The following CDH7 variants were observed in gnomAD, a reference collection of about 807,000 sequenced individuals.
The protein encoded by CDH7 is cadherin 7, also known as cadherin-7.
Under a neutral mutation model 71.8 loss-of-function variants are expected in CDH7, and 25 were observed. The observed-to-expected ratio is 0.35, with a 90% confidence interval of 0.25 to 0.49. The LOEUF (loss-of-function observed/expected upper bound fraction) is 0.49, where lower values mean the gene tolerates loss of function less well. CDH7 is among the 20% of genes least tolerant of loss of function. The pLI, the probability that CDH7 is intolerant of heterozygous loss-of-function variation, is 0.99. For synonymous variants in CDH7, 381 were observed against 363.8 expected, an observed-to-expected ratio of 1.05 and a Z score of -0.54; for missense variants, 862 against 974.6, an observed-to-expected ratio of 0.88 and a Z score of 1.54.
At chr18:65,756,198 TC>T (rs1916023905) in intron 1 of CDH7, among the ~76,000 whole-genome samples, 1 of 152,138 alleles carries the variant, frequency 6.6e-6, no homozygotes, top group African/African-American at 2.4e-5. Flanking sequence ...AATGACAGTT[TC>T]CCCCCAATAG....
intron 2 of CDH7, among the ~76,000 whole-genome samples, chr18:65,784,651 C>T (rs1910447396): frequency 6.6e-6 from 1 of 152,158 alleles, no homozygotes; most frequent in African/African-American, 2.4e-5. Context: ...TTGTTAATTT[C>T]ATTCCACAGT....
chr18:65,814,490 T>C lies in CDH7; in HGVS notation c.511T>C (p.Ser171Pro). ...GTTTTGGGATTGGCATCTAGGGACC[T>C]CAGTGGTACAAGTGACAGCGACGGA... ...GVPEMSPVGT[S>P]VVQVTATDAD... Residue 171 changes from serine (S) to proline (P), a missense_variant, in exon 4 of 12, where the codon TCA becomes CCA. Coordinates refer to ENST00000397968, the MANE Select transcript of CDH7 (RefSeq NM_004361.5). The C allele has an allele frequency of 6.2e-7, 1 of 1,614,008 alleles. No individual in the cohort carries two copies. The highest frequency in any genetic ancestry group is 8.5e-7 in the Non-Finnish European group (1 of 1,179,922).
chr18:65,751,445 C>T (rs1310524965), intron 1 of CDH7, among the ~76,000 whole-genome samples: 2 of 152,184 alleles, frequency 1.3e-5, no homozygotes, highest in African/African-American at 4.8e-5. Context: ...CCGGCACTCT[C>T]CAGGTGCAGC....
At chr18:65,776,710 T>A (rs1942832) in intron 2 of CDH7, among the ~76,000 whole-genome samples, 54,346 of 151,926 alleles carry the variant, frequency 0.36, 10,249 homozygotes, top group Middle Eastern at 0.46. Flanking sequence ...CTCCAACCTA[T>A]CATATCGCCG....
At chr18:65,791,978 A>T (rs1194532377) in intron 2 of CDH7, among the ~76,000 whole-genome samples, 3 of 152,130 alleles carry the variant, frequency 2.0e-5, no homozygotes, top group Non-Finnish European at 4.4e-5. Flanking sequence ...CCTTTGACTA[A>T]ATAAACTTTC....
At chr18:65,804,125 T>C (rs1342731648) in intron 2 of CDH7, among the ~76,000 whole-genome samples, 1 of 152,124 alleles carries the variant, frequency 6.6e-6, no homozygotes, top group African/African-American at 2.4e-5. Flanking sequence ...TTTCATAAAA[T>C]TTCACCTTAT....
chr18:65,826,737 G>A (rs1815815867), intron 6 of CDH7, among the ~76,000 whole-genome samples: 1 of 150,950 alleles, frequency 6.6e-6, no homozygotes, highest in South Asian at 2.1e-4. Context: ...TTATTCAAAG[G>A]CCAAATGGAA....
At chr18:65,777,144 T>G (rs1909977639) in intron 2 of CDH7, among the ~76,000 whole-genome samples, 1 of 152,168 alleles carries the variant, frequency 6.6e-6, no homozygotes, top group Non-Finnish European at 1.5e-5. Flanking sequence ...ATTTTTCTCT[T>G]CTTTTCACAA....
intron 7 of CDH7, among the ~76,000 whole-genome samples, chr18:65,845,041 G>A (rs1050264343): frequency 6.6e-6 from 1 of 151,800 alleles, no homozygotes; most frequent in Non-Finnish European, 1.5e-5. Context: ...GATAAGTCTG[G>A]ACGTTGGCTC....
chr18:65,782,491 G>A (rs1327796403), intron 2 of CDH7, among the ~76,000 whole-genome samples: 2 of 151,928 alleles, frequency 1.3e-5, no homozygotes, highest in Admixed American at 6.6e-5. Context: ...TGGAATGTGG[G>A]GTTTACAAGT....
rs1014928801 is a variant in CDH7 at position 65,834,460 on chromosome 18, C to A, written c.982-9352C>A. ...GATGAAAAGAAGGCTTTAGACATTT[C>A]TTGGTGAAACTGAACAATTTAAGTT... On this transcript the variant is annotated intron_variant, in intron 6 of 11. Transcript: ENST00000397968. Among the ~76,000 whole-genome samples the A allele has an allele frequency of 3.3e-5, 5 of 152,204 alleles. No homozygotes were observed. The South Asian group carries it at 8.3e-4, about 25-fold the overall frequency.
chr18:65,753,109 C>T lies in CDH7; in HGVS notation c.-197+1959C>T, dbSNP rs544347212. 8.5e-5 allele frequency among the ~76,000 whole-genome samples: 13 copies of T among 152,230 alleles called. No individual in the cohort carries two copies. The South Asian group carries it at 1.7e-3, about 19-fold the overall frequency. On this transcript the variant is annotated intron_variant, in intron 1 of 11. Transcript: ENST00000397968. Reference sequence around the variant, plus strand: ...TGAAGAAGAGAGGGTGGAGAGCACGCGGAGTTGGCCACTGTTCAGCCTTCC... The same window carrying T: ...TGAAGAAGAGAGGGTGGAGAGCACGTGGAGTTGGCCACTGTTCAGCCTTCC...
In CDH7 at chr18:65,853,918, T is replaced by TATATATATATATATCC. The variant is rs1555689474; in HGVS notation, c.1236-3884_1236-3883insCCATATATATATATAT. Among the ~76,000 whole-genome samples the TATATATATATATATCC allele has an allele frequency of 8.6e-4, 57 of 66,286 alleles. 2 individuals carry two copies. Among genetic ancestry groups the TATATATATATATATCC allele is most frequent in the African/African-American group, 4.6e-3 (54 of 11,664 alleles). The allele number at this position is 66,286 out of a possible 152,430, so 43.5% of individuals were successfully genotyped here. ...CATCATAAATTACCATATATATATA[T>TATATATATATATATCC]ATATATATATATATATATATATATA... On this transcript the variant is annotated intron_variant, in intron 7 of 11. Coordinates refer to ENST00000397968, the MANE Select transcript of CDH7 (RefSeq NM_004361.5).
chr18:65,857,259 G>T (rs1913392187), intron 7 of CDH7, among the ~76,000 whole-genome samples: 1 of 149,484 alleles, frequency 6.7e-6, no homozygotes, highest in African/African-American at 2.5e-5. Flanking sequence ...GAGATGGAAG[G>T]GTCACTTGAG....
rs1914281512 is a variant in CDH7, at chr18:65,883,236, A to C, written c.*2342A>C. On this transcript the variant is annotated 3_prime_UTR_variant, in exon 12 of 12. Coordinates refer to ENST00000397968, the MANE Select transcript of CDH7 (RefSeq NM_004361.5). ...ATTCAGTGGTATTTTTTAATTAAAA[A>C]AATTAATTTAAAAAATTAATTTTTG... is the stretch of plus-strand genomic sequence containing the variant. 6.6e-6 allele frequency: 1 copy of C among 152,052 alleles called. No individual in the cohort carries two copies. The highest frequency in any genetic ancestry group is 2.4e-5 in the African/African-American group (1 of 41,414). 9.4% of individuals were successfully genotyped at this position (152,052 alleles called of 1,614,324 possible). A position where few individuals can be genotyped will look rare whatever the true frequency, so the allele number is the denominator to read the frequency against.
chr18:65,819,594 CA>C (rs1258492760), intron 4 of CDH7, among the ~76,000 whole-genome samples: 3 of 151,958 alleles, frequency 2.0e-5, no homozygotes, highest in African/African-American at 7.3e-5. Flanking sequence ...TAGCTACAGA[CA>C]AAAAAGGCTG....
intron 2 of CDH7, among the ~76,000 whole-genome samples, chr18:65,768,628 A>T (rs956800118): frequency 6.6e-6 from 1 of 152,184 alleles, no homozygotes; most frequent in African/African-American, 2.4e-5. Flanking sequence ...GACAAGCTTT[A>T]TGTGCATTGC....
chr18:65,880,748 A>C lies in CDH7; in HGVS notation c.2212A>C (p.Asn738His), dbSNP rs2144073639. The change falls in exon 12 of 12, where the codon AAT (asparagine) becomes CAT (histidine). Residue 738 changes from asparagine to histidine, a missense_variant. Asn to His is a moderately conservative substitution (Grantham distance 68). Coordinates refer to ENST00000397968, the MANE Select transcript of CDH7 (RefSeq NM_004361.5). ...DSLQTYAFEG[N>H]GSVAESLSSL... is the part of the protein sequence containing the mutation. ...CCTGCAGACATATGCTTTTGAAGGA[A>C]ATGGCTCAGTTGCTGAATCACTCAG... 6.2e-7 allele frequency: 1 copy of C among 1,614,138 alleles called. No individual in the cohort carries two copies. Among genetic ancestry groups the C allele is most frequent in the African/African-American group, 1.3e-5 (1 of 75,028 alleles).
intron 7 of CDH7, among the ~76,000 whole-genome samples, chr18:65,851,316 A>G (rs1301452730): frequency 6.6e-6 from 1 of 152,048 alleles, no homozygotes; most frequent in Non-Finnish European, 1.5e-5. Flanking sequence ...AGTAGATTAA[A>G]ATTTCTATTC....
Sources: allele counts gnomAD v4.1 joint callset (sites outside exome capture counted in the v4.1 genomes callset), GRCh38; gene constraint gnomAD v4.1.1; transcripts MANE v1.5; gene names NCBI Gene and HGNC (gene_info 2026-07-23, HGNC 2026-07-21).